ATF6: variants seen among roughly 807,000 people sequenced by gnomAD.
ATF6 encodes the protein activating transcription factor 6, also known as cyclic AMP-dependent transcription factor ATF-6 alpha.
A neutral mutation model predicts 83.6 loss-of-function variants in ATF6; 53 were observed. The observed-to-expected ratio is 0.63, with a 90% confidence interval of 0.51 to 0.80. The LOEUF (loss-of-function observed/expected upper bound fraction) is 0.80. Ranked by LOEUF, ATF6 falls within the 30% of genes least tolerant of loss-of-function variation. The pLI, the probability that ATF6 is intolerant of heterozygous loss-of-function variation, is 0.00. For synonymous variants in ATF6, 288 were observed against 285.8 expected, an observed-to-expected ratio of 1.01 and a Z score of -0.08; for missense variants, 744 against 797.9, an observed-to-expected ratio of 0.93 and a Z score of 0.81.
chr1:161,955,075 T>C (rs1688938956), intron 15 of ATF6, among the ~76,000 whole-genome samples: 1 of 152,342 alleles, frequency 6.6e-6, no homozygotes, highest in Non-Finnish European at 1.5e-5. Flanking sequence ...CCTAATCTAA[T>C]GTTGACCATG....
intron 14 of ATF6, among the ~76,000 whole-genome samples, chr1:161,867,511 A>T (rs1051759167): frequency 2.6e-5 from 4 of 152,180 alleles, no homozygotes; most frequent in Non-Finnish European, 5.9e-5. Context: ...TACACATTTA[A>T]ATACCATCCT....
intron 14 of ATF6, among the ~76,000 whole-genome samples, chr1:161,905,300 A>AT (rs1687859322): frequency 1.3e-5 from 2 of 152,120 alleles, no homozygotes; most frequent in Non-Finnish European, 2.9e-5. Flanking sequence ...AAAAATATAT[A>AT]TTTTTTGTCT....
chr1:161,868,574 T>TG (rs1687059769), intron 14 of ATF6, among the ~76,000 whole-genome samples: 1 of 152,118 alleles, frequency 6.6e-6, no homozygotes, highest in Non-Finnish European at 1.5e-5. Flanking sequence ...GAGTGCTTAC[T>TG]GAACAGAATG....
At position 161,793,079 on chromosome 1, in the gene ATF6, C is replaced by T. The variant is rs144867654; in HGVS notation, c.688+752C>T. On this transcript the variant is annotated intron_variant, in intron 6 of 15. Coordinates refer to ENST00000367942, the MANE Select transcript of ATF6 (RefSeq NM_007348.4). ...TTTGTTGGCACCAGATATGACTAGG[C>T]GATAATGGGGTATGGGTTGTAAATA... Among the ~76,000 whole-genome samples the T allele has an allele frequency of 8.5e-5, 13 of 152,092 alleles. No individual in the cohort carries two copies. The East Asian group carries it at 1.2e-3, about 14-fold the overall frequency.
rs777936719 is a variant in ATF6, at chr1:161,819,739, A to G, written c.1016A>G (p.Lys339Arg). 6.2e-7 allele frequency: 1 copy of G among 1,613,056 alleles called. No homozygotes were observed. Among genetic ancestry groups the G allele is most frequent in the Non-Finnish European group, 8.5e-7 (1 of 1,179,666 alleles). ...EYMLGLEARL[K>R]AALSENEQLK... Reference sequence around the variant, plus strand: ...ATGCTAGGGTTAGAGGCGAGATTAAAGGCTGCCCTCTCAGAAAACGAGCAA... The same window carrying G: ...ATGCTAGGGTTAGAGGCGAGATTAAGGGCTGCCCTCTCAGAAAACGAGCAA... The change falls in exon 8 of 16, where the codon AAG (lysine) becomes AGG (arginine). Residue 339 changes from lysine (K) to arginine (R), a missense_variant. Lys to Arg is a conservative substitution (Grantham distance 26, BLOSUM62 2). Transcript: ENST00000367942.
At chr1:161,904,262 A>G (rs1687842795) in intron 14 of ATF6, among the ~76,000 whole-genome samples, 1 of 152,190 alleles carries the variant, frequency 6.6e-6, no homozygotes. Context: ...TGTATTTCCT[A>G]CAAATGCATC....
At chr1:161,798,859 C>A (rs1290932658) in intron 6 of ATF6, among the ~76,000 whole-genome samples, 1 of 152,208 alleles carries the variant, frequency 6.6e-6, no homozygotes, top group Non-Finnish European at 1.5e-5. Context: ...CTCAACATCA[C>A]TAATCATTAG....
chr1:161,888,814 C>T (rs886516555), intron 14 of ATF6, among the ~76,000 whole-genome samples: 5 of 152,152 alleles, frequency 3.3e-5, no homozygotes, highest in African/African-American at 1.2e-4. Flanking sequence ...TGGTTGGCTT[C>T]TATTAAATCC....
chr1:161,915,284 A>C (rs1688073954), intron 15 of ATF6, among the ~76,000 whole-genome samples: 1 of 152,192 alleles, frequency 6.6e-6, no homozygotes, highest in Non-Finnish European at 1.5e-5. Flanking sequence ...GATATGTATC[A>C]TTGGGCAAGT....
chr1:161,865,223 C>T (rs1383638204), intron 14 of ATF6, among the ~76,000 whole-genome samples: 1 of 151,482 alleles, frequency 6.6e-6, no homozygotes, highest in Non-Finnish European at 1.5e-5. Context: ...GCAGTGGTGC[C>T]ATCTTGGCTT....
chr1:161,839,332 G>T (rs994163366), intron 9 of ATF6, among the ~76,000 whole-genome samples: 1 of 152,078 alleles, frequency 6.6e-6, no homozygotes, highest in Non-Finnish European at 1.5e-5. Context: ...ACATGTTGAA[G>T]GGTAGTTGTT....
intron 9 of ATF6, among the ~76,000 whole-genome samples, chr1:161,837,982 C>CT (rs1395452459): frequency 6.6e-6 from 1 of 152,200 alleles, no homozygotes. Flanking sequence ...GAATCACAAT[C>CT]TGCCTCTGGA....
chr1:161,778,136 A>G, intron 1 of ATF6, 108 bp from the exon 2 acceptor site: 1 of 735,344 alleles, frequency 1.4e-6, no homozygotes, highest in Non-Finnish European at 2.2e-6. Context: ...CAATAATAGT[A>G]ATGGCTAATG....
intron 9 of ATF6, among the ~76,000 whole-genome samples, chr1:161,829,110 C>T (rs192448576): frequency 4.0e-5 from 6 of 150,498 alleles, no homozygotes; most frequent in East Asian, 2.0e-4. Context: ...GCATCCAATG[C>T]GGGAGCACCC....
intron 9 of ATF6, among the ~76,000 whole-genome samples, chr1:161,830,319 C>T (rs1686021168): frequency 1.3e-5 from 2 of 152,156 alleles, no homozygotes; most frequent in African/African-American, 4.8e-5. Flanking sequence ...AATGGAAGAA[C>T]ATTCCATGCT....
intron 9 of ATF6, among the ~76,000 whole-genome samples, chr1:161,824,320 CCCCTGAG>C (rs1557980223): frequency 2.0e-5 from 3 of 151,452 alleles, no homozygotes; most frequent in Non-Finnish European, 4.4e-5. Flanking sequence ...ATACCATGTA[CCCCTGAG>C]CTTCAAATAA....
At chr1:161,918,570 T>G (rs552007688) in intron 15 of ATF6, among the ~76,000 whole-genome samples, 21 of 152,324 alleles carry the variant, frequency 1.4e-4, no homozygotes, top group African/African-American at 5.1e-4. Flanking sequence ...GTTTAAGTTA[T>G]GTAGGCACAA....
intron 15 of ATF6, among the ~76,000 whole-genome samples, chr1:161,938,883 TCACTTTTAAA>T (rs1688589113): frequency 6.6e-6 from 1 of 152,188 alleles, no homozygotes; most frequent in Non-Finnish European, 1.5e-5. Flanking sequence ...ATAATAGTGC[TCACTTTTAAA>T]AAATTCCCTA....
At chr1:161,909,829 G>T (rs1423284021) in intron 14 of ATF6, among the ~76,000 whole-genome samples, 1 of 152,118 alleles carries the variant, frequency 6.6e-6, no homozygotes, top group Non-Finnish European at 1.5e-5. Flanking sequence ...GGTGGCGGGC[G>T]CCTGTAGTCC....
Sources: allele counts gnomAD v4.1 joint callset (sites outside exome capture counted in the v4.1 genomes callset), GRCh38; gene constraint gnomAD v4.1.1; transcripts MANE v1.5; gene names NCBI Gene and HGNC (gene_info 2026-07-23, HGNC 2026-07-21).